Variants in SSBP4 observed in about 807,000 individuals in gnomAD.
The protein encoded by SSBP4 is single stranded DNA binding protein 4, also known as single-stranded DNA-binding protein 4.
SSBP4 carries 33 observed loss-of-function variants against 64.6 expected under a neutral mutation model. That is an observed-to-expected ratio of 0.51 (90% CI 0.39 to 0.68). SSBP4 has a LOEUF of 0.68. SSBP4 is among the 30% of genes least tolerant of loss of function. The pLI is 0.00. For synonymous variants in SSBP4, 243 were observed against 224.0 expected, an observed-to-expected ratio of 1.08 and a Z score of -0.76; for missense variants, 583 against 566.8, an observed-to-expected ratio of 1.03 and a Z score of -0.29.
At chr19:18,415,380 C>A (rs1972124195), upstream of SSBP4, among the ~76,000 whole-genome samples, 1 of 152,182 alleles carries the variant, frequency 6.6e-6, no homozygotes, top group African/African-American at 2.4e-5. Context: ...GAAAACCCAA[C>A]CCGGCCTCCT....
At chr19:18,429,049 G>A (rs1244069865) in intron 4 of SSBP4, among the ~76,000 whole-genome samples, 1 of 152,174 alleles carries the variant, frequency 6.6e-6, no homozygotes, top group Non-Finnish European at 1.5e-5. Context: ...GGTTACCATG[G>A]CAGCGCCGGC....
chr19:18,416,899 C>T (rs918790804), upstream of SSBP4, among the ~76,000 whole-genome samples: 2 of 152,250 alleles, frequency 1.3e-5, no homozygotes, highest in African/African-American at 2.4e-5. Context: ...GCTCAGCTCC[C>T]CGACGCCGCG....
Position 18,433,148 on chromosome 19 carries a change from C to T in SSBP4, c.926C>T (p.Pro309Leu). The T allele has an allele frequency of 1.9e-6, 3 of 1,603,664 alleles. No individual in the cohort carries two copies. Among genetic ancestry groups the T allele is most frequent in the South Asian group, 1.1e-5 (1 of 90,170 alleles). ...GAGRANFPLGPGPEGPMAAMS... is the reference protein window; with the variant it reads ...GAGRANFPLGLGPEGPMAAMS... ...CCATGCCCGCAGTTCCCGCTCGGCCCTGGCCCGGAGGGCCCCATGGCCGCC... is the reference window on the plus strand; with the variant it reads ...CCATGCCCGCAGTTCCCGCTCGGCCTTGGCCCGGAGGGCCCCATGGCCGCC... The change falls in exon 15 of 18, where the codon CCT (proline) becomes CTT (leucine). Residue 309 changes from proline (P) to leucine (L), a missense_variant. By Grantham distance (98) the Pro-to-Leu change is moderately conservative. This residue lies in a region of SSBP4 where 444 missense variants were observed against 386.6 expected (regional missense o/e 1.15). Coordinates refer to ENST00000270061, the MANE Select transcript of SSBP4 (RefSeq NM_032627.5).
intron 4 of SSBP4, 70 bp from the exon 5 acceptor site, chr19:18,430,771 G>C: frequency 7.0e-7 from 1 of 1,429,992 alleles, no homozygotes; most frequent in South Asian, 1.3e-5. Context: ...GCAGAGAGGG[G>C]GGGCACACCC....
At chr19:18,433,980 ACCC>A in intron 17 of SSBP4, 163 bp downstream of exon 17, 1 of 684,970 alleles carries the variant, frequency 1.5e-6, no homozygotes, top group Non-Finnish European at 1.8e-6. Flanking sequence ...ACCTCTCCCC[ACCC>A]CCCACCACCT....
Position 18,427,049 on chromosome 19 carries a change from C to G in SSBP4, c.60-302C>G, listed in dbSNP as rs1490369195. 1.3e-5 allele frequency among the ~76,000 whole-genome samples: 2 copies of G among 152,122 alleles called. No homozygotes were observed. The highest frequency in any genetic ancestry group is 4.1e-4 in the South Asian group (2 of 4,828). ...CCACCCTGCACACACACAGGAATGA[C>G]ACTCCTCTATGGAGGAGACCTCCCC... On this transcript the variant is annotated intron_variant, in intron 1 of 17. Coordinates refer to ENST00000270061, the MANE Select transcript of SSBP4 (RefSeq NM_032627.5). This position sits in a 1 kb window ranked among gnomAD's most constrained non-coding sequence, Gnocchi z 4.4.
At chr19:18,408,760 G>A in the SSBP4 span, among the ~76,000 whole-genome samples, 1 of 152,140 alleles carries the variant, frequency 6.6e-6, no homozygotes, top group African/African-American at 2.4e-5. Context: ...CAAAGTGCTG[G>A]GATTACAGTC....
chr19:18,432,195 G>T lies in SSBP4; in HGVS notation c.685G>T (p.Gly229Cys), dbSNP rs1432124476. Residue 229 changes from glycine to cysteine, a missense_variant, in exon 10 of 18, where the codon GGC (glycine) becomes TGC (cysteine). Physicochemically the swap from Gly to Cys is radical, Grantham distance 159 (BLOSUM62 -3). Around this residue, in one of 5 missense-constraint regions of SSBP4, gnomAD observed 444 missense variants for 386.6 expected, o/e 1.15. Coordinates refer to ENST00000270061, the MANE Select transcript of SSBP4 (RefSeq NM_032627.5). ...RPPPNSLAGPGLPAMNMGPGV... is the reference protein window; with the variant it reads ...RPPPNSLAGPCLPAMNMGPGV... ...CCCACCCAACTCCCTCGCCGGCCCA[G>T]GCCTGCCTGCCATGAACATGTAAGA... 3 of 1,613,010 alleles carry T rather than the reference G, an allele frequency of 1.9e-6. No homozygotes were observed. Among genetic ancestry groups the T allele is most frequent in the Non-Finnish European group, 2.5e-6 (3 of 1,179,982 alleles).
upstream of SSBP4, among the ~76,000 whole-genome samples, chr19:18,417,067 CTCCT>C (rs1163409484): frequency 6.6e-6 from 1 of 151,994 alleles, no homozygotes; most frequent in Non-Finnish European, 1.5e-5. The surrounding 1 kb of genome is among the most constrained non-coding windows in gnomAD (Gnocchi z 5.4). Context: ...GCCTCCCTCC[CTCCT>C]TCCCTCCCTC....
chr19:18,434,221 C>T lies in SSBP4; in HGVS notation c.1133C>T (p.Ser378Leu). 1.9e-6 allele frequency: 3 copies of T among 1,611,984 alleles called. No individual in the cohort carries two copies. The highest frequency in any genetic ancestry group is 1.7e-6 in the Non-Finnish European group (2 of 1,179,614). The change falls in exon 18 of 18, where the codon TCG becomes TTG. Residue 378 changes from serine to leucine, a missense_variant. This residue lies in a region of SSBP4 where 26 missense variants were observed against 21.8 expected (regional missense o/e 1.19). Coordinates refer to ENST00000270061, the MANE Select transcript of SSBP4 (RefSeq NM_032627.5). ...TGCCCCCTCCTCTCTCCGCAGTACT[C>T]GCCAGGGATGACCATGAGCGTGTGA... ...FLHPFPSESY[S>L]PGMTMSV
chr19:18,431,965 C>T, intron 8 of SSBP4, 35 bp from the exon 9 acceptor site: 2 of 1,553,582 alleles, frequency 1.3e-6, no homozygotes, highest in South Asian at 1.2e-5. Context: ...GGGAATGGTC[C>T]AGGTCCAAGT....
the SSBP4 span, among the ~76,000 whole-genome samples, chr19:18,413,075 G>T: frequency 6.6e-6 from 1 of 152,076 alleles, no homozygotes; most frequent in Admixed American, 6.5e-5. Flanking sequence ...TGGGACAGCT[G>T]GGGGACAGTG....
intron 1 of SSBP4, chr19:18,420,177 G>C (rs1249551759): frequency 6.6e-6 from 1 of 152,056 alleles, no homozygotes; most frequent in African/African-American, 2.4e-5. Context: ...GACCCCAGTC[G>C]CCTGGGGTAG....
the SSBP4 span, among the ~76,000 whole-genome samples, chr19:18,408,598 T>G: frequency 6.6e-6 from 1 of 151,684 alleles, no homozygotes; most frequent in Non-Finnish European, 1.5e-5. Flanking sequence ...GTTCAAGTGA[T>G]TCTCCTGCCT....
In SSBP4 at chr19:18,427,259, C is replaced by A; in HGVS notation, c.60-92C>A. On this transcript the variant is annotated intron_variant, in intron 1 of 17. Coordinates refer to ENST00000270061, the MANE Select transcript of SSBP4 (RefSeq NM_032627.5). The surrounding 1 kb of genome is among the most constrained non-coding windows in gnomAD (Gnocchi z 4.4). ...GCTGAGCAGCTGGTGGGGAGGCCACCTTTCCACCCGCCCTCCTGAGAGATG... is the reference window on the plus strand; with the variant it reads ...GCTGAGCAGCTGGTGGGGAGGCCACATTTCCACCCGCCCTCCTGAGAGATG... 4 of 1,401,248 alleles carry A rather than the reference C, an allele frequency of 2.9e-6. No individual in the cohort carries two copies. Among genetic ancestry groups the A allele is most frequent in the Non-Finnish European group, 3.9e-6 (4 of 1,019,206 alleles). The allele number at this position is 1,401,248 out of a possible 1,614,324, so 86.8% of individuals were successfully genotyped here.
At chr19:18,425,298 G>A (rs535653110) in intron 1 of SSBP4, among the ~76,000 whole-genome samples, 9 of 152,184 alleles carry the variant, frequency 5.9e-5, no homozygotes, top group African/African-American at 1.7e-4. Context: ...CGCTGCCCCC[G>A]CCCTCCCGGG....
At position 18,419,663 on chromosome 19, in the gene SSBP4, G is replaced by A. The variant is rs1972290230; in HGVS notation, c.15G>A (p.Gly5=). 1.6e-6 allele frequency: 2 copies of A among 1,241,258 alleles called. No individual in the cohort carries two copies. The highest frequency in any genetic ancestry group is 2.0e-6 in the Non-Finnish European group (2 of 987,460). The allele number at this position is 1,241,258 out of a possible 1,614,324, so 76.9% of individuals were successfully genotyped here. Residue 5 remains glycine, a synonymous_variant, in exon 1 of 18, where the codon GGG becomes GGA. Transcript: ENST00000270061. ...CGTGGAGCAGCATGTACGCCAAGGGGGGCAAGGGTTCGGCCGTGCCCTCCG... is the reference window on the plus strand; with the variant it reads ...CGTGGAGCAGCATGTACGCCAAGGGAGGCAAGGGTTCGGCCGTGCCCTCCG... The part of the protein sequence containing the change: MYAK[G]GKGSAVPSDS...
intron 4 of SSBP4, among the ~76,000 whole-genome samples, chr19:18,430,157 C>T (rs746433885): frequency 6.6e-6 from 1 of 152,134 alleles, no homozygotes; most frequent in Non-Finnish European, 1.5e-5. Flanking sequence ...GAAGTTCTCC[C>T]CTCCCTGTCC....
upstream of SSBP4, among the ~76,000 whole-genome samples, chr19:18,414,337 G>A (rs1189445755): frequency 2.0e-5 from 3 of 152,156 alleles, no homozygotes; most frequent in East Asian, 3.9e-4. Flanking sequence ...ATGGGGAGAA[G>A]AAATGATGGC....
Sources: gnomAD v4.1 joint callset for allele counts (sites outside exome capture counted in the v4.1 genomes callset) on GRCh38, gnomAD v4.1.1 for gene constraint, gnomAD v4.1.1 regional missense constraint, Gnocchi (gnomAD v3.1) non-coding constraint, MANE v1.5 for transcripts, NCBI Gene and HGNC (gene_info 2026-07-23, HGNC 2026-07-21) for gene names.